TMEM50B: variants seen among roughly 807,000 people sequenced by gnomAD.
TMEM50B encodes transmembrane protein 50B.
A neutral mutation model predicts 23.4 loss-of-function variants in TMEM50B; 14 were observed. The observed-to-expected ratio is 0.60, with a 90% confidence interval of 0.39 to 0.93. The LOEUF (loss-of-function observed/expected upper bound fraction) is 0.93, where lower values mean the gene tolerates loss of function less well. TMEM50B is among the 40% of genes least tolerant of loss of function. The pLI is 0.00. For synonymous variants in TMEM50B, 64 were observed against 62.3 expected (o/e 1.03, Z -0.13); for missense variants, 159 against 193.0 (o/e 0.82, Z 1.04).
chr21:33,446,663 A>AAAAC (rs1555883464), downstream of TMEM50B, among the ~76,000 whole-genome samples: 2 of 146,774 alleles, frequency 1.4e-5, no homozygotes, highest in African/African-American at 5.0e-5. Flanking sequence ...CACAAAAAAA[A>AAAAC]AAAAAAAAAA....
intron 4 of TMEM50B, among the ~76,000 whole-genome samples, chr21:33,463,830 A>C (rs2084239023): frequency 6.6e-6 from 1 of 152,180 alleles, no homozygotes; most frequent in South Asian, 2.1e-4. Context: ...AGGCAGGAGG[A>C]TCACTCGAGC....
chr21:33,442,790 G>A (rs905716648), intron 7 of TMEM50B, among the ~76,000 whole-genome samples: 1 of 152,052 alleles, frequency 6.6e-6, no homozygotes, highest in African/African-American at 2.4e-5. Flanking sequence ...GCATGATGGT[G>A]CATGCCTGTA....
intron 1 of TMEM50B, among the ~76,000 whole-genome samples, chr21:33,476,819 A>T (rs913120953): frequency 2.0e-5 from 3 of 151,664 alleles, no homozygotes; most frequent in Non-Finnish European, 4.4e-5. Flanking sequence ...AAATAAAATT[A>T]TATCAAAGTA....
Position 33,442,255 on chromosome 21 carries a change from C to T in TMEM50B, c.*2037-2958G>A, listed in dbSNP as rs533049419. Among the ~76,000 whole-genome samples the T allele has an allele frequency of 5.3e-5, 8 of 152,260 alleles. No individual in the cohort carries two copies. The South Asian group carries it at 1.7e-3, about 32-fold the overall frequency. On this transcript the variant is annotated intron_variant and NMD_transcript_variant, in intron 7 of 8. Coordinates refer to the TMEM50B transcript ENST00000420455. ...CCCACCCTTCACTGCCACTCCCAGC[C>T]TCCCTTGAGACTCAAGGACTGTCCC... is the stretch of plus-strand genomic sequence containing the variant.
intron 8 of TMEM50B, chr21:33,437,211 T>TA (rs1555882560): frequency 8.3e-6 from 4 of 483,614 alleles, no homozygotes; most frequent in East Asian, 3.9e-5. Context: ...AGGCTTCTCT[T>TA]AAACACTAAA....
chr21:33,440,115 G>A (rs780342311), intron 7 of TMEM50B, among the ~76,000 whole-genome samples: 10 of 152,142 alleles, frequency 6.6e-5, no homozygotes, highest in Non-Finnish European at 1.3e-4. Flanking sequence ...TAAATAATCC[G>A]TTGACAGGGC....
At chr21:33,466,043 C>T (rs1405618118) in intron 3 of TMEM50B, among the ~76,000 whole-genome samples, 3 of 152,040 alleles carry the variant, frequency 2.0e-5, no homozygotes, top group Non-Finnish European at 2.9e-5. Flanking sequence ...AGGCAAATCA[C>T]GAGGTCAGGA....
downstream of TMEM50B, among the ~76,000 whole-genome samples, chr21:33,444,801 T>C (rs1274138371): frequency 4.6e-5 from 1 of 21,616 alleles, no homozygotes; most frequent in Non-Finnish European, 7.0e-5. Flanking sequence ...TCCATCTCTT[T>C]ACAAAAAAAA....
At chr21:33,448,338 T>G (rs2084084988), downstream of TMEM50B, among the ~76,000 whole-genome samples, 1 of 152,098 alleles carries the variant, frequency 6.6e-6, no homozygotes, top group African/African-American at 2.4e-5. Flanking sequence ...ATTAAGTGAT[T>G]TGCTCACAAC....
chr21:33,478,028 G>A (rs12627129), intron 1 of TMEM50B, among the ~76,000 whole-genome samples: 1 of 151,676 alleles, frequency 6.6e-6, no homozygotes, highest in Admixed American at 6.6e-5. Flanking sequence ...CCAACTACTA[G>A]GGAGGCTGAG....
chr21:33,432,703 CCT>C (rs1257358322), exon 9 of TMEM50B: 2 of 1,613,928 alleles, frequency 1.2e-6, no homozygotes, highest in East Asian at 4.5e-5. Flanking sequence ...ACTTTCGTGT[CCT>C]CTTTTTAGCC....
At chr21:33,477,069 G>A (rs2084380417) in intron 1 of TMEM50B, among the ~76,000 whole-genome samples, 1 of 152,228 alleles carries the variant, frequency 6.6e-6, no homozygotes, top group Admixed American at 6.5e-5. Context: ...GAGAGGCTGA[G>A]GCAGGTGGAT....
At chr21:33,437,012 C>A in intron 8 of TMEM50B, 1 of 1,602,560 alleles carries the variant, frequency 6.2e-7, no homozygotes, top group Non-Finnish European at 8.5e-7. Flanking sequence ...ATCAAGCCAT[C>A]GGAGCTGCTA....
chr21:33,449,629 C>T lies in TMEM50B; in HGVS notation c.*1189G>A, dbSNP rs1290161069. The stretch of plus-strand genomic sequence containing the variant: ...TTCACCCAAAGCTTGAGAGCTAGAG[C>T]GAGGAGAGACTTGCAGTCGGTAACT... On this transcript the variant is annotated 3_prime_UTR_variant, in exon 7 of 7. Coordinates refer to ENST00000542230, the MANE Select transcript of TMEM50B (RefSeq NM_006134.7). 1.3e-5 allele frequency: 2 copies of T among 152,134 alleles called. No individual in the cohort carries two copies. The highest frequency in any genetic ancestry group is 2.4e-5 in the African/African-American group (1 of 41,392). The allele number at this position is 152,134 out of a possible 1,614,324, so 9.4% of individuals were successfully genotyped here.
chr21:33,448,244 C>T (rs1016587341), downstream of TMEM50B, among the ~76,000 whole-genome samples: 6 of 152,020 alleles, frequency 3.9e-5, no homozygotes, highest in African/African-American at 1.2e-4. Flanking sequence ...CTGCCCGCCT[C>T]GGCCTCCCAA....
At chr21:33,445,538 A>G (rs1486020889), downstream of TMEM50B, among the ~76,000 whole-genome samples, 1 of 152,226 alleles carries the variant, frequency 6.6e-6, no homozygotes, top group East Asian at 1.9e-4. Context: ...CGGCGCCTGT[A>G]ATTCCCTGCA....
At chr21:33,435,214 T>C (rs1156533240) in intron 8 of TMEM50B, among the ~76,000 whole-genome samples, 1 of 152,192 alleles carries the variant, frequency 6.6e-6, no homozygotes, top group East Asian at 1.9e-4. Flanking sequence ...CCCCTTTATA[T>C]GTTAAGGCCT....
At chr21:33,478,431 T>C (rs1215779987) in intron 1 of TMEM50B, among the ~76,000 whole-genome samples, 2 of 152,078 alleles carry the variant, frequency 1.3e-5, no homozygotes, top group East Asian at 1.9e-4. Context: ...CGGGCCACTG[T>C]ACTTGTAGCC....
downstream of TMEM50B, among the ~76,000 whole-genome samples, chr21:33,444,803 C>CAAAAAAAAAAAAAAAAAAAAAAAAA (rs60816843): frequency 8.3e-5 from 8 of 96,316 alleles, no homozygotes; most frequent in African/African-American, 1.4e-4. Flanking sequence ...CATCTCTTTA[C>CAAAAAAAAAAAAAAAAAAAAAAAAA]AAAAAAAAAA....
Sources: allele counts gnomAD v4.1 joint callset (sites outside exome capture counted in the v4.1 genomes callset), GRCh38; gene constraint gnomAD v4.1.1; transcripts MANE v1.5; gene names NCBI Gene and HGNC (gene_info 2026-07-23, HGNC 2026-07-21).